SULF1: variants seen among roughly 807,000 people sequenced by gnomAD.
SULF1 encodes extracellular sulfatase Sulf-1.
In SULF1, 46 loss-of-function variants were observed where a neutral mutation model predicts 110.5. The ratio of observed to expected loss-of-function variants is 0.42; its 90% CI spans 0.33 to 0.53. The LOEUF (loss-of-function observed/expected upper bound fraction) is 0.53, where lower values mean the gene tolerates loss of function less well. Ranked by LOEUF, SULF1 falls within the 20% of genes least tolerant of loss-of-function variation. The pLI is 0.12. For synonymous variants in SULF1, 371 were observed against 387.1 expected (o/e 0.96, Z 0.49); for missense variants, 941 against 1,094.2 (o/e 0.86, Z 1.98).
chr8:69,627,442 T>C (rs1810178611), intron 16 of SULF1, 136 bp downstream of exon 16: 1 of 658,026 alleles, frequency 1.5e-6, no homozygotes, highest in South Asian at 2.0e-5. Context: ...AAAAAAGTTA[T>C]TTGTCTTTCT....
At position 69,541,473 on chromosome 8, in the gene SULF1, G is replaced by A. The variant is rs570791603; in HGVS notation, c.-133-22066G>A. Among the ~76,000 whole-genome samples the A allele has an allele frequency of 2.6e-5, 4 of 152,310 alleles. No homozygotes were observed. In the South Asian group the frequency reaches 8.3e-4, roughly 32 times the overall value. ...GCATTCTCACATTTCATCCCCTTGG[G>A]TTTACCCTAGCATATGATTTGAGGA... On this transcript the variant is annotated intron_variant, in intron 3 of 22. Transcript: ENST00000402687.
At chr8:69,582,218 A>G (rs534662234) in intron 6 of SULF1, among the ~76,000 whole-genome samples, 1 of 152,332 alleles carries the variant, frequency 6.6e-6, no homozygotes, top group East Asian at 1.9e-4. Flanking sequence ...TTAAGCAGAA[A>G]AATGTAAGCC....
chr8:69,472,995 C>G (rs147468157), intron 1 of SULF1, among the ~76,000 whole-genome samples: 236 of 152,128 alleles, frequency 1.6e-3, no homozygotes, highest in African/African-American at 5.5e-3. Flanking sequence ...CACCACCATA[C>G]CCAGCTATTT....
At chr8:69,470,615 G>A (rs1183578842) in intron 1 of SULF1, among the ~76,000 whole-genome samples, 1 of 152,016 alleles carries the variant, frequency 6.6e-6, no homozygotes, top group Non-Finnish European at 1.5e-5. Context: ...CATTGCAACA[G>A]CCTCCTAAAT....
At chr8:69,531,087 G>A (rs140526867) in intron 3 of SULF1, among the ~76,000 whole-genome samples, 3 of 152,258 alleles carry the variant, frequency 2.0e-5, no homozygotes, top group African/African-American at 7.2e-5. Context: ...GGGATCAAGA[G>A]ACATATTTGG....
chr8:69,494,361 G>A (rs1347067906), intron 1 of SULF1, among the ~76,000 whole-genome samples: 2 of 151,896 alleles, frequency 1.3e-5, no homozygotes, highest in East Asian at 1.9e-4. Context: ...TGGATCAAGT[G>A]GAGAAATTTA....
intron 10 of SULF1, 38 bp from the exon 11 acceptor site, chr8:69,603,154 G>C: frequency 6.2e-7 from 1 of 1,610,884 alleles, no homozygotes; most frequent in Non-Finnish European, 8.5e-7. Flanking sequence ...CCTTCCCCTG[G>C]CATTGGATCT....
chr8:69,545,505 G>A (rs756222707), intron 3 of SULF1, among the ~76,000 whole-genome samples: 1 of 152,174 alleles, frequency 6.6e-6, no homozygotes, highest in African/African-American at 2.4e-5. Context: ...TTAGCCACTA[G>A]GGACCTGAGC....
At chr8:69,492,654 A>T (rs1418973460), upstream of SULF1, 1 of 152,312 alleles carries the variant, frequency 6.6e-6, no homozygotes, top group South Asian at 2.1e-4. Flanking sequence ...TTGCATGCAC[A>T]TATTCAGTTG....
At chr8:69,548,326 T>G (rs1178582964) in intron 3 of SULF1, among the ~76,000 whole-genome samples, 1 of 152,146 alleles carries the variant, frequency 6.6e-6, no homozygotes, top group African/African-American at 2.4e-5. Context: ...ATGAGAAGCA[T>G]CCATAAGGAA....
chr8:69,495,073 G>T (rs1810244303), intron 1 of SULF1, among the ~76,000 whole-genome samples: 3 of 152,076 alleles, frequency 2.0e-5, no homozygotes, highest in African/African-American at 7.2e-5. Context: ...TTTGGGCCTG[G>T]GCTACTGGGT....
chr8:69,488,421 C>T (rs1264720040), upstream of SULF1, among the ~76,000 whole-genome samples: 2 of 152,180 alleles, frequency 1.3e-5, no homozygotes, highest in Non-Finnish European at 2.9e-5. Flanking sequence ...TCCCAAAACT[C>T]TCCAGGTGAG....
At chr8:69,621,914 C>G (rs1041340271) in intron 14 of SULF1, among the ~76,000 whole-genome samples, 1 of 152,160 alleles carries the variant, frequency 6.6e-6, no homozygotes, top group African/African-American at 2.4e-5. Flanking sequence ...AGTGGAGTAA[C>G]ATGGAAAATG....
At chr8:69,573,628 A>G (rs1805398272) in intron 5 of SULF1, among the ~76,000 whole-genome samples, 1 of 152,206 alleles carries the variant, frequency 6.6e-6, no homozygotes, top group African/African-American at 2.4e-5. Flanking sequence ...ATACTCAGTA[A>G]CTAACTACTG....
chr8:69,546,039 G>A lies in SULF1; in HGVS notation c.-133-17500G>A, dbSNP rs79157020. 3.3e-3 allele frequency among the ~76,000 whole-genome samples: 497 copies of A among 152,176 alleles called. 3 individuals carry two copies. Among genetic ancestry groups the A allele is most frequent in the African/African-American group, 0.011 (450 of 41,522 alleles). ...CTGTCCCACACAATCCTTTCATTAC[G>A]TGTCACTGGAAAGAAATCAACCTTG... On this transcript the variant is annotated intron_variant, in intron 3 of 22. Transcript: ENST00000402687.
chr8:69,629,661 A>G lies in SULF1; in HGVS notation c.2266A>G (p.Thr756Ala). The change falls in exon 19 of 23, where the codon ACA (threonine) becomes GCA (alanine). Residue 756 changes from threonine to alanine, a missense_variant. This residue lies in a region of SULF1 where 7 missense variants were observed against 26.3 expected (regional missense o/e 0.27). Transcript: ENST00000402687. ...CACGCATGACAACAACCACTGGCAG[A>G]CAGCCCCGTTCTGGAACCGTAAGTT... is the stretch of plus-strand genomic sequence containing the variant. Reference protein sequence around the residue: ...CFTHDNNHWQTAPFWNLGSFC... With the variant: ...CFTHDNNHWQAAPFWNLGSFC... 1 of 1,610,352 alleles carries G rather than the reference A, an allele frequency of 6.2e-7. No individual in the cohort carries two copies. Among genetic ancestry groups the G allele is most frequent in the African/African-American group, 1.3e-5 (1 of 74,898 alleles).
intron 14 of SULF1, among the ~76,000 whole-genome samples, chr8:69,623,296 T>G (rs1809759053): frequency 6.6e-6 from 1 of 152,166 alleles, no homozygotes; most frequent in East Asian, 1.9e-4. Context: ...AGCAGCCCAA[T>G]GTAGTGGTAA....
At chr8:69,489,312 G>A (rs1809821303), upstream of SULF1, among the ~76,000 whole-genome samples, 1 of 152,098 alleles carries the variant, frequency 6.6e-6, no homozygotes, top group Non-Finnish European at 1.5e-5. Flanking sequence ...CTAGCAGGAG[G>A]ACTCTCAGGC....
chr8:69,624,876 T>G (rs1051104347), intron 15 of SULF1, among the ~76,000 whole-genome samples: 4 of 152,230 alleles, frequency 2.6e-5, no homozygotes, highest in Non-Finnish European at 5.9e-5. Context: ...AAATGTTTTC[T>G]TTCTGAATTT....
Sources: allele counts gnomAD v4.1 joint callset (sites outside exome capture counted in the v4.1 genomes callset), GRCh38; gene constraint gnomAD v4.1.1; regional missense constraint gnomAD v4.1.1; transcripts MANE v1.5; gene names NCBI Gene and HGNC (gene_info 2026-07-23, HGNC 2026-07-21).